The following CSMD1 variants were observed in gnomAD, a reference collection of about 807,000 sequenced individuals.
The protein encoded by CSMD1 is CUB and sushi domain-containing protein 1.
CSMD1 carries 213 observed loss-of-function variants against 417.5 expected under a neutral mutation model. The observed-to-expected ratio is 0.51, with a 90% CI of 0.46 to 0.57. The LOEUF (loss-of-function observed/expected upper bound fraction) is 0.57, where lower values mean the gene tolerates loss of function less well. Among genes scored for constraint, CSMD1 ranks in the 20% least tolerant of loss-of-function variants. The probability of loss-of-function intolerance (pLI) is 0.00; values close to 1 mark genes in which losing one functional copy is unlikely to be tolerated. For synonymous variants in CSMD1, 2,862 were observed against 1,736.8 expected (o/e 1.65, Z -16.11); for missense variants, 6,923 against 4,529.7 (o/e 1.53, Z -15.17).
intron 3 of CSMD1, among the ~76,000 whole-genome samples, chr8:4,244,189 G>T (rs575852548): frequency 8.5e-5 from 13 of 152,182 alleles, no homozygotes; most frequent in Non-Finnish European, 1.9e-4. Flanking sequence ...GAACCGTTTA[G>T]GCTTAGCTGA....
At chr8:3,205,666 G>T in intron 30 of CSMD1, 46 bp from the exon 31 acceptor site, 1 of 921,034 alleles carries the variant, frequency 1.1e-6, no homozygotes, top group Non-Finnish European at 1.7e-6. Context: ...CAATAATAGC[G>T]CAGGTGATAG....
chr8:3,508,446 T>C (rs1485535217), intron 10 of CSMD1, among the ~76,000 whole-genome samples: 2 of 151,874 alleles, frequency 1.3e-5, no homozygotes, highest in South Asian at 4.2e-4. Flanking sequence ...ACATGGCACA[T>C]GTATACATAT....
chr8:4,197,118 C>A (rs1002723949), intron 3 of CSMD1, among the ~76,000 whole-genome samples: 4 of 152,146 alleles, frequency 2.6e-5, no homozygotes, highest in Non-Finnish European at 5.9e-5. Flanking sequence ...AGTGTGTCCT[C>A]AAGCAGTTCC....
Position 4,519,936 on chromosome 8 carries a change from C to CGTGTGT in CSMD1, c.303-99877_303-99872dup, listed in dbSNP as rs67711521. On this transcript the variant is annotated intron_variant, in intron 2 of 69. Transcript: ENST00000635120. ...ACATTATGTAGTGTGTGTGTGTGTG[C>CGTGTGT]GTGTGTGTGTGTGTGTGTGTGGTGT... is the stretch of plus-strand genomic sequence containing the variant. 2.9e-3 allele frequency among the ~76,000 whole-genome samples: 428 copies of CGTGTGT among 147,066 alleles called. 1 individual carries two copies. Among genetic ancestry groups the CGTGTGT allele is most frequent in the East Asian group, 0.014 (68 of 4,986 alleles).
chr8:4,978,418 G>A (rs1426920541), intron 1 of CSMD1, among the ~76,000 whole-genome samples: 4 of 152,058 alleles, frequency 2.6e-5, no homozygotes, highest in Non-Finnish European at 5.9e-5. Flanking sequence ...TGGGTGGAGG[G>A]TATGTTTAAG....
intron 49 of CSMD1, among the ~76,000 whole-genome samples, chr8:3,083,962 C>A (rs1814332427): frequency 6.6e-6 from 1 of 151,994 alleles, no homozygotes; most frequent in Non-Finnish European, 1.5e-5. Context: ...CTGCACCCAG[C>A]CTACATTCTA....
intron 23 of CSMD1, among the ~76,000 whole-genome samples, chr8:3,311,392 A>G (rs1343787625): frequency 6.6e-6 from 1 of 152,056 alleles, no homozygotes; most frequent in African/African-American, 2.4e-5. Flanking sequence ...TGGGACTATA[A>G]GTGCGAGCCA....
intron 26 of CSMD1, among the ~76,000 whole-genome samples, chr8:3,264,760 A>G (rs1801312917): frequency 6.6e-6 from 1 of 152,158 alleles, no homozygotes; most frequent in Non-Finnish European, 1.5e-5. Context: ...TTAAGGGTAC[A>G]TAGCTAGTAA....
chr8:4,884,111 A>G (rs987128554), intron 1 of CSMD1, among the ~76,000 whole-genome samples: 2 of 151,956 alleles, frequency 1.3e-5, no homozygotes, highest in African/African-American at 4.8e-5. Flanking sequence ...CCAGAAGGTG[A>G]TCTGTCTACT....
chr8:4,875,401 T>A lies in CSMD1; in HGVS notation c.85+118931A>T, dbSNP rs568495204. 5.3e-5 allele frequency among the ~76,000 whole-genome samples: 8 copies of A among 152,168 alleles called. No individual in the cohort carries two copies. The East Asian group carries it at 1.5e-3, about 29-fold the overall frequency. Reference sequence around the variant, plus strand: ...CTATCAAGCCTTTATTTCTCCAGAATAAATTGTTAAACAGGGGAGGGAGTT... The same window carrying A: ...CTATCAAGCCTTTATTTCTCCAGAAAAAATTGTTAAACAGGGGAGGGAGTT... On this transcript the variant is annotated intron_variant, in intron 1 of 69. Coordinates refer to ENST00000635120, the MANE Select transcript of CSMD1 (RefSeq NM_033225.6).
chr8:4,829,750 A>G (rs1162060504), intron 1 of CSMD1, among the ~76,000 whole-genome samples: 1 of 152,006 alleles, frequency 6.6e-6, no homozygotes, highest in Non-Finnish European at 1.5e-5. Flanking sequence ...AAAAAAAAAA[A>G]AAAAAAGAAA....
intron 3 of CSMD1, among the ~76,000 whole-genome samples, chr8:4,417,760 C>G (rs1425115178): frequency 6.6e-6 from 1 of 151,932 alleles, no homozygotes; most frequent in Non-Finnish European, 1.5e-5. Flanking sequence ...AAACATTTTT[C>G]TAATTATTAT....
intron 6 of CSMD1, among the ~76,000 whole-genome samples, chr8:3,718,137 A>G (rs1801947529): frequency 6.6e-6 from 1 of 152,178 alleles, no homozygotes; most frequent in Admixed American, 6.5e-5. Flanking sequence ...ATTCTTTGGG[A>G]TAAATCTATT....
intron 3 of CSMD1, among the ~76,000 whole-genome samples, chr8:4,320,770 G>C (rs1016373384): frequency 6.6e-6 from 1 of 152,020 alleles, no homozygotes. Context: ...ACGGGCATTT[G>C]GATTGGTGAT....
intron 12 of CSMD1, among the ~76,000 whole-genome samples, chr8:3,436,835 T>C (rs188648457): frequency 6.6e-6 from 1 of 152,318 alleles, no homozygotes; most frequent in African/African-American, 2.4e-5. Context: ...TTTGTCAGTA[T>C]GCTAATATGT....
chr8:4,129,453 T>C (rs539880756), intron 3 of CSMD1, among the ~76,000 whole-genome samples: 98 of 152,280 alleles, frequency 6.4e-4, no homozygotes, highest in Non-Finnish European at 1.6e-4. Flanking sequence ...GACAGGTGCA[T>C]GGGAGATAAA....
rs1796835624 is a variant in CSMD1 at position 3,506,531 on chromosome 8, A to G, written c.1345-12805T>C. Among the ~76,000 whole-genome samples, 3 of 152,214 alleles carry G rather than the reference A, an allele frequency of 2.0e-5. No homozygotes were observed. In the South Asian group the frequency reaches 6.2e-4, roughly 32 times the overall value. On this transcript the variant is annotated intron_variant, in intron 10 of 69. Coordinates refer to ENST00000635120, the MANE Select transcript of CSMD1 (RefSeq NM_033225.6). The stretch of plus-strand genomic sequence containing the variant: ...ATGCTCTATGGAGCAGCAGTTACAC[A>G]GATACTTTACGTTTCATTCATTCCC...
intron 3 of CSMD1, among the ~76,000 whole-genome samples, chr8:4,077,885 C>G (rs989252766): frequency 4.6e-5 from 7 of 152,058 alleles, no homozygotes; most frequent in African/African-American, 1.7e-4. Context: ...GTAATTGATG[C>G]CCAATATAGC....
At chr8:4,755,412 G>A (rs140031455) in intron 1 of CSMD1, among the ~76,000 whole-genome samples, 1 of 152,064 alleles carries the variant, frequency 6.6e-6, no homozygotes, top group African/African-American at 2.4e-5. Flanking sequence ...TGGTTCTGAT[G>A]ACTTCAAGTA....
Sources: allele counts gnomAD v4.1 joint callset (sites outside exome capture counted in the v4.1 genomes callset), GRCh38; gene constraint gnomAD v4.1.1; transcripts MANE v1.5; gene names NCBI Gene and HGNC (gene_info 2026-07-23, HGNC 2026-07-21).